The following XPNPEP1 variants were observed in gnomAD, a reference collection of about 807,000 sequenced individuals.
The protein encoded by XPNPEP1 is xaa-Pro aminopeptidase 1.
In XPNPEP1, 39 loss-of-function variants were observed where a neutral mutation model predicts 92.4. That is an observed-to-expected ratio of 0.42 (90% CI 0.33 to 0.55). The LOEUF is 0.55. Among genes scored for constraint, XPNPEP1 ranks in the 20% least tolerant of loss-of-function variants. XPNPEP1 has a pLI of 0.08. For synonymous variants in XPNPEP1, 307 were observed against 299.4 expected, an observed-to-expected ratio of 1.03 and a Z score of -0.26; for missense variants, 654 against 856.1, an observed-to-expected ratio of 0.76 and a Z score of 2.95.
intron 5 of XPNPEP1, among the ~76,000 whole-genome samples, chr10:109,891,069 A>G (rs1848679548): frequency 1.3e-5 from 2 of 152,250 alleles, no homozygotes; most frequent in African/African-American, 4.8e-5. Flanking sequence ...ATGACAGGAA[A>G]GTACACACGG....
chr10:109,891,493 C>T (rs1848700306), intron 5 of XPNPEP1: 4 of 397,152 alleles, frequency 1.0e-5, no homozygotes, highest in African/African-American at 8.3e-5. Context: ...CTCTCTAGCC[C>T]TCAGTTTCCC....
At chr10:109,906,914 C>T (rs897208792) in intron 3 of XPNPEP1, among the ~76,000 whole-genome samples, 3 of 152,180 alleles carry the variant, frequency 2.0e-5, no homozygotes, top group African/African-American at 7.2e-5. Context: ...CACCCTCAAA[C>T]TTCCACAGCC....
chr10:109,909,988 T>C (rs947298293), intron 2 of XPNPEP1, among the ~76,000 whole-genome samples: 2 of 152,210 alleles, frequency 1.3e-5, no homozygotes, highest in East Asian at 3.8e-4. Flanking sequence ...TACTCCTGCA[T>C]TCATTCGTGG....
intron 11 of XPNPEP1, among the ~76,000 whole-genome samples, chr10:109,880,445 G>A (rs1463163180): frequency 6.6e-6 from 1 of 152,152 alleles, no homozygotes; most frequent in Non-Finnish European, 1.5e-5. Context: ...CTATTCAGTA[G>A]TTCAGGTACA....
rs76462975 is a variant in XPNPEP1, at chr10:109,892,732, A to G, written c.310+280T>C. ...ATTCAGTTTAATTGATAGAACTTTT[A>G]TATGTATGTTATATTCAATAAAAAG... On this transcript the variant is annotated intron_variant, in intron 4 of 20. Coordinates refer to ENST00000502935, the MANE Select transcript of XPNPEP1 (RefSeq NM_020383.4). 514 of 388,274 alleles carry G rather than the reference A, an allele frequency of 1.3e-3. 4 individuals carry two copies. The East Asian group carries it at 0.019, about 14-fold the overall frequency. 24.1% of individuals were successfully genotyped at this position (388,274 alleles called of 1,614,324 possible). A position where few individuals can be genotyped will look rare whatever the true frequency, so the allele number is the denominator to read the frequency against.
At chr10:109,878,560 A>C (rs528679088) in intron 12 of XPNPEP1, among the ~76,000 whole-genome samples, 15 of 152,302 alleles carry the variant, frequency 9.8e-5, no homozygotes, top group African/African-American at 3.4e-4. Context: ...GAAAATGTTC[A>C]CACTATGATT....
At chr10:109,871,167 C>T (rs1847449312) in intron 17 of XPNPEP1, 5 of 342,130 alleles carry the variant, frequency 1.5e-5, no homozygotes, top group Non-Finnish European at 2.1e-5. Context: ...CCGTATCAGA[C>T]ATGGACGTTC....
At position 109,891,838 on chromosome 10, in the gene XPNPEP1, G is replaced by T. The variant is rs768437035; in HGVS notation, c.311-12C>A. On this transcript the variant is annotated splice_polypyrimidine_tract_variant and intron_variant, in intron 4 of 20. Coordinates refer to ENST00000502935, the MANE Select transcript of XPNPEP1 (RefSeq NM_020383.4). ...GATGATGGCTGTGCCTGAAGCAGGG[G>T]AGAAAAAAAAAAGAAGAAGAAAGGT... The T allele has an allele frequency of 6.2e-7, 1 of 1,606,216 alleles. No individual in the cohort carries two copies.
intron 8 of XPNPEP1, 83 bp downstream of exon 8, chr10:109,886,163 T>A (rs1589576747): frequency 2.1e-6 from 3 of 1,413,054 alleles, no homozygotes. Flanking sequence ...CTCAGAAAGT[T>A]GAATGGCATG....
chr10:109,907,759 T>C lies in XPNPEP1; in HGVS notation c.178A>G (p.Met60Val). 6.2e-7 allele frequency: 1 copy of C among 1,614,236 alleles called. No individual in the cohort carries two copies. The highest frequency in any genetic ancestry group is 8.5e-7 in the Non-Finnish European group (1 of 1,180,052). Residue 60 changes from methionine (M) to valine (V), a missense_variant, in exon 3 of 21, where the codon ATG becomes GTG. Physicochemically the swap from Met to Val is conservative, Grantham distance 21. Coordinates refer to ENST00000502935, the MANE Select transcript of XPNPEP1 (RefSeq NM_020383.4). ...SELLRQLRQAMRNSEYVTEPI... is the reference protein window; with the variant it reads ...SELLRQLRQAVRNSEYVTEPI... ...TCGGTCACATACTCAGAGTTCCTCA[T>C]GGCTTGTCTCAGCTGCCGAAGCAGC...
chr10:109,923,148 C>T (rs1010000955), intron 1 of XPNPEP1: 1 of 984,122 alleles, frequency 1.0e-6, no homozygotes, highest in Non-Finnish European at 1.2e-6. Context: ...GTTCCGCGGG[C>T]ATACGCGTCC....
Position 109,869,852 on chromosome 10 carries a change from T to G in XPNPEP1, c.1773+101A>C, listed in dbSNP as rs549957258. 21 of 1,240,574 alleles carry G rather than the reference T, an allele frequency of 1.7e-5. No individual in the cohort carries two copies. The South Asian group carries it at 2.8e-4, about 17-fold the overall frequency. The allele number at this position is 1,240,574 out of a possible 1,614,324, so 76.8% of individuals were successfully genotyped here. A position where few individuals can be genotyped will look rare whatever the true frequency, so the allele number is the denominator to read the frequency against. ...CTTCCCACACTAAGAAACAGGAAAA[T>G]TTTTAAGCTTTGCGCAGTGGCAGTA... On this transcript the variant is annotated intron_variant, in intron 19 of 20. Transcript: ENST00000502935.
In XPNPEP1 at chr10:109,886,247, C is replaced by A. The variant is rs190184663; in HGVS notation, c.747G>T (p.Ala249=). ...WFVVTALDEI[A]WLFNLRGSDV... ...AAACAGCGAAACCAGAGCACTCACA[C>A]GCAATCTCATCCAAGGCAGTGACCA... Residue 249 remains alanine (A), a splice_region_variant and synonymous_variant, in exon 8 of 21, where the codon GCG becomes GCT. Coordinates refer to ENST00000502935, the MANE Select transcript of XPNPEP1 (RefSeq NM_020383.4). 1.2e-6 allele frequency: 2 copies of A among 1,614,030 alleles called. No individual in the cohort carries two copies. Among genetic ancestry groups the A allele is most frequent in the African/African-American group, 2.7e-5 (2 of 74,942 alleles).
intron 1 of XPNPEP1, among the ~76,000 whole-genome samples, chr10:109,917,745 G>A (rs1278130331): frequency 1.3e-5 from 2 of 152,138 alleles, no homozygotes; most frequent in East Asian, 3.8e-4. Flanking sequence ...AAGACAGTGT[G>A]GTGCTAGCAT....
Position 109,884,094 on chromosome 10 carries a change from T to C in XPNPEP1, c.803A>G (p.Tyr268Cys). 2 of 1,614,052 alleles carry C rather than the reference T, an allele frequency of 1.2e-6. No homozygotes were observed. Among genetic ancestry groups the C allele is most frequent in the Non-Finnish European group, 1.7e-6 (2 of 1,179,958 alleles). ...DVEHNPVFFS[Y>C]AIIGLETIML... Reference sequence around the variant, plus strand: ...GATCGTCTCTAGTCCTATGATTGCGTAGGAGAAAAATACTGGATTGTGCTC... The same window carrying C: ...GATCGTCTCTAGTCCTATGATTGCGCAGGAGAAAAATACTGGATTGTGCTC... Residue 268 changes from tyrosine (Y) to cysteine (C), a missense_variant, in exon 9 of 21, where the codon TAC (tyrosine) becomes TGC (cysteine). Tyr to Cys is a radical substitution (Grantham distance 194, BLOSUM62 -2). Transcript: ENST00000502935.
intron 3 of XPNPEP1, among the ~76,000 whole-genome samples, chr10:109,906,246 G>A (rs536735239): frequency 1.3e-5 from 2 of 152,274 alleles, no homozygotes; most frequent in Non-Finnish European, 2.9e-5. Context: ...GGACCATGCA[G>A]AACCAAGTTG....
Position 109,871,171 on chromosome 10 carries a change from G to T in XPNPEP1, c.1523-267C>A, listed in dbSNP as rs1372393334. The T allele has an allele frequency of 8.8e-6, 3 of 339,070 alleles. No homozygotes were observed. In the East Asian group the frequency reaches 1.6e-4, roughly 18 times the overall value. 21.0% of individuals were successfully genotyped at this position (339,070 alleles called of 1,614,324 possible). Reference sequence around the variant, plus strand: ...GCACACAGAGGCCGTATCAGACATGGACGTTCCCTTGCCAGCTCTGCGACC... The same window carrying T: ...GCACACAGAGGCCGTATCAGACATGTACGTTCCCTTGCCAGCTCTGCGACC... On this transcript the variant is annotated intron_variant, in intron 17 of 20. Transcript: ENST00000502935.
At chr10:109,919,551 G>A (rs1011891665) in intron 1 of XPNPEP1, among the ~76,000 whole-genome samples, 1 of 152,140 alleles carries the variant, frequency 6.6e-6, no homozygotes, top group Non-Finnish European at 1.5e-5. Flanking sequence ...ATGGTGTAAT[G>A]GCTTTGGAAA....
At chr10:109,903,455 G>A (rs942608719) in intron 3 of XPNPEP1, among the ~76,000 whole-genome samples, 3 of 152,188 alleles carry the variant, frequency 2.0e-5, no homozygotes, top group African/African-American at 7.2e-5. Context: ...ATGTGCTCCA[G>A]TTGCGGGAAC....
Sources: gnomAD v4.1 joint callset for allele counts (sites outside exome capture counted in the v4.1 genomes callset) on GRCh38, gnomAD v4.1.1 for gene constraint, MANE v1.5 for transcripts, NCBI Gene and HGNC (gene_info 2026-07-23, HGNC 2026-07-21) for gene names.